The following TCERG1L variants were observed in gnomAD, a reference collection of about 807,000 sequenced individuals.
TCERG1L encodes the protein transcription elongation regulator 1 like, also known as transcription elongation regulator 1-like protein.
Under a neutral mutation model 56.3 loss-of-function variants are expected in TCERG1L, and 37 were observed. The ratio of observed to expected loss-of-function variants is 0.66; its 90% CI spans 0.51 to 0.87. The LOEUF (loss-of-function observed/expected upper bound fraction) is 0.87, where lower values mean the gene tolerates loss of function less well. Among genes scored for constraint, TCERG1L ranks in the 40% least tolerant of loss-of-function variants. TCERG1L has a pLI of 0.00. For missense variants in TCERG1L, 799 were observed against 774.2 expected (o/e 1.03, Z -0.38); for synonymous variants, 324 against 326.3 (o/e 0.99, Z 0.08).
At chr10:131,121,122 A>C (rs1007102689) in intron 8 of TCERG1L, among the ~76,000 whole-genome samples, 2 of 152,208 alleles carry the variant, frequency 1.3e-5, no homozygotes, top group Non-Finnish European at 2.9e-5. Flanking sequence ...ATTCTAGTGG[A>C]CCATGGCTCC....
Position 131,295,800 on chromosome 10 carries a change from A to G in TCERG1L, c.670+12411T>C, listed in dbSNP as rs1846683963. Among the ~76,000 whole-genome samples, 11 of 152,254 alleles carry G rather than the reference A, an allele frequency of 7.2e-5. 1 individual carries two copies. In the South Asian group the frequency reaches 2.3e-3, roughly 32 times the overall value. On this transcript the variant is annotated intron_variant, in intron 3 of 11. Transcript: ENST00000368642. Reference sequence around the variant, plus strand: ...TATTACATTGTTGTCATCTGTAGCCACCCTACAGTGGTAACGACCTCTAGA... The same window carrying G: ...TATTACATTGTTGTCATCTGTAGCCGCCCTACAGTGGTAACGACCTCTAGA...
At chr10:131,152,298 A>G (rs564319362) in intron 6 of TCERG1L, among the ~76,000 whole-genome samples, 12 of 152,212 alleles carry the variant, frequency 7.9e-5, no homozygotes, top group African/African-American at 2.6e-4. Flanking sequence ...ACCCTAAATC[A>G]TCTCTCTCAA....
At chr10:131,279,690 C>CGGTGA (rs1846431393) in intron 3 of TCERG1L, among the ~76,000 whole-genome samples, 1 of 152,174 alleles carries the variant, frequency 6.6e-6, no homozygotes, top group South Asian at 2.1e-4. Flanking sequence ...CCCAGCCGCC[C>CGGTGA]GGTGAGGATG....
intron 4 of TCERG1L, among the ~76,000 whole-genome samples, chr10:131,219,521 G>A (rs913041064): frequency 3.3e-5 from 5 of 152,196 alleles, no homozygotes; most frequent in Non-Finnish European, 7.3e-5. Flanking sequence ...ATACTTGCAG[G>A]AGGGCTGAGT....
intron 8 of TCERG1L, among the ~76,000 whole-genome samples, chr10:131,131,445 A>G (rs751010002): frequency 1.3e-5 from 2 of 152,142 alleles, no homozygotes; most frequent in Non-Finnish European, 2.9e-5. Flanking sequence ...TCATGAATCT[A>G]TTTTCCAGGC....
rs1231893973 is a variant in TCERG1L at position 131,092,950 on chromosome 10, G to A, written c.*212C>T. 7.9e-6 allele frequency: 4 copies of A among 505,754 alleles called. No individual in the cohort carries two copies. Among genetic ancestry groups the A allele is most frequent in the African/African-American group, 1.9e-5 (1 of 51,492 alleles). 31.3% of individuals were successfully genotyped at this position (505,754 alleles called of 1,614,324 possible). On this transcript the variant is annotated 3_prime_UTR_variant, in exon 12 of 12. Transcript: ENST00000368642. ...AACAATTAAGGGATCGACGTATCAC[G>A]GTGATTAGAAATGCATCAAACTCTG... is the stretch of plus-strand genomic sequence containing the variant.
intron 4 of TCERG1L, among the ~76,000 whole-genome samples, chr10:131,212,220 C>G (rs1471235770): frequency 2.6e-5 from 4 of 152,160 alleles, no homozygotes; most frequent in African/African-American, 9.7e-5. Context: ...GACTCAGACC[C>G]AGGGCAAGAC....
intron 6 of TCERG1L, among the ~76,000 whole-genome samples, chr10:131,160,478 C>A (rs1845965438): frequency 6.6e-6 from 1 of 152,202 alleles, no homozygotes; most frequent in Non-Finnish European, 1.5e-5. Flanking sequence ...ACCACAGCCA[C>A]CCTTACCTCC....
intron 3 of TCERG1L, among the ~76,000 whole-genome samples, chr10:131,268,865 T>C (rs1440891861): frequency 6.6e-6 from 1 of 152,254 alleles, no homozygotes; most frequent in Non-Finnish European, 1.5e-5. Flanking sequence ...AATGGAATGT[T>C]GTGCCTGGTT....
Position 131,255,074 on chromosome 10 carries a change from C to T in TCERG1L, c.856+5185G>A, listed in dbSNP as rs75634494. On this transcript the variant is annotated intron_variant, in intron 4 of 11. Coordinates refer to ENST00000368642, the MANE Select transcript of TCERG1L (RefSeq NM_174937.4). ...GCTAGAGAGATCTGTGCAGAGATGC[C>T]CCGGGCAGAACACCAGCAGGGTGTG... Among the ~76,000 whole-genome samples the T allele has an allele frequency of 9.9e-5, 15 of 152,216 alleles. No individual in the cohort carries two copies. The East Asian group carries it at 2.7e-3, about 28-fold the overall frequency.
chr10:131,227,270 A>G (rs1302150126), intron 4 of TCERG1L, among the ~76,000 whole-genome samples: 1 of 152,242 alleles, frequency 6.6e-6, no homozygotes, highest in Non-Finnish European at 1.5e-5. Context: ...ATGCCTGCAG[A>G]TAAGTGGTCT....
intron 4 of TCERG1L, among the ~76,000 whole-genome samples, chr10:131,196,929 T>C (rs11017816): frequency 0.38 from 57,843 of 152,054 alleles, 11,172 homozygotes; most frequent in East Asian, 0.49. Flanking sequence ...GGCCCCTGAC[T>C]TGCCCCCTAA....
intron 4 of TCERG1L, among the ~76,000 whole-genome samples, chr10:131,228,030 C>A (rs574915352): frequency 1.3e-5 from 2 of 151,874 alleles, no homozygotes; most frequent in Non-Finnish European, 2.9e-5. Context: ...CCCAGCCCCC[C>A]TCTCCGTGCT....
chr10:131,167,440 A>C (rs897660116), intron 4 of TCERG1L, among the ~76,000 whole-genome samples: 4 of 152,178 alleles, frequency 2.6e-5, no homozygotes, highest in Non-Finnish European at 5.9e-5. Flanking sequence ...AGTGATGCCA[A>C]CCTGCGCCCT....
intron 4 of TCERG1L, among the ~76,000 whole-genome samples, chr10:131,224,706 A>G (rs1388536864): frequency 6.6e-6 from 1 of 152,120 alleles, no homozygotes. Context: ...CAGGCCTGGG[A>G]AGTGCACGGC....
At chr10:131,229,481 G>C (rs1845826865) in intron 4 of TCERG1L, among the ~76,000 whole-genome samples, 1 of 152,184 alleles carries the variant, frequency 6.6e-6, no homozygotes, top group African/African-American at 2.4e-5. Context: ...GGAACACTCA[G>C]CTCCTGGCAA....
rs183775533 is a variant in TCERG1L, at chr10:131,137,596, C to T, written c.1190-3148G>A. ...CTCCTCCACCCACACCAGAACGTAC[C>T]CAGGGAGGCCACGGGGGAAACATCC... On this transcript the variant is annotated intron_variant, in intron 7 of 11. Coordinates refer to ENST00000368642, the MANE Select transcript of TCERG1L (RefSeq NM_174937.4). Among the ~76,000 whole-genome samples the T allele has an allele frequency of 3.9e-4, 60 of 152,280 alleles. No homozygotes were observed. The Middle Eastern group carries it at 0.01, about 26-fold the overall frequency.
chr10:131,140,181 A>G (rs1845719614), intron 7 of TCERG1L, among the ~76,000 whole-genome samples: 1 of 152,212 alleles, frequency 6.6e-6, no homozygotes, highest in African/African-American at 2.4e-5. Flanking sequence ...CTACGAATAC[A>G]GAGAGGTCCA....
chr10:131,134,868 C>T (rs778610431), intron 7 of TCERG1L, among the ~76,000 whole-genome samples: 1 of 152,182 alleles, frequency 6.6e-6, no homozygotes, highest in Non-Finnish European at 1.5e-5. Context: ...GCAGCACCTC[C>T]AACAGGCCCA....
Sources: gnomAD v4.1 joint callset for allele counts (sites outside exome capture counted in the v4.1 genomes callset) on GRCh38, gnomAD v4.1.1 for gene constraint, MANE v1.5 for transcripts, NCBI Gene and HGNC (gene_info 2026-07-23, HGNC 2026-07-21) for gene names.